The following GLYATL2 variants were observed in gnomAD, a reference collection of about 807,000 sequenced individuals.
GLYATL2 encodes glycine N-acyltransferase-like protein 2.
A neutral mutation model predicts 21.4 loss-of-function variants in GLYATL2; 25 were observed. The ratio of observed to expected loss-of-function variants is 1.17; its 90% CI spans 0.85 to 1.63. The LOEUF (loss-of-function observed/expected upper bound fraction) is 1.63, where lower values mean the gene tolerates loss of function less well. Among genes scored for constraint, GLYATL2 ranks in the 40% most tolerant of loss-of-function variants. The pLI is 0.00. For missense variants in GLYATL2, 361 were observed against 343.3 expected, an observed-to-expected ratio of 1.05 and a Z score of -0.41; for synonymous variants, 114 against 118.2, an observed-to-expected ratio of 0.96 and a Z score of 0.23.
chr11:58,871,529 C>T (rs1033652609), intron 1 of GLYATL2, among the ~76,000 whole-genome samples: 40 of 149,492 alleles, frequency 2.7e-4, no homozygotes, highest in African/African-American at 9.1e-4. Flanking sequence ...TGAGAACATG[C>T]AGTGTTTGGT....
chr11:58,894,381 A>T (rs1854598698), intron 1 of GLYATL2, among the ~76,000 whole-genome samples: 2 of 151,456 alleles, frequency 1.3e-5, no homozygotes, highest in Admixed American at 1.3e-4. Context: ...ATCTTAAAAA[A>T]GAATTACACT....
intron 3 of GLYATL2, among the ~76,000 whole-genome samples, 193 bp from the exon 4 acceptor site, chr11:58,837,590 G>A (rs1853462629): frequency 6.6e-6 from 1 of 152,186 alleles, no homozygotes; most frequent in South Asian, 2.1e-4. Context: ...TTCTTTTAGG[G>A]CACTAAAGTG....
At chr11:58,861,696 G>A (rs1335548862) in intron 1 of GLYATL2, among the ~76,000 whole-genome samples, 1 of 151,606 alleles carries the variant, frequency 6.6e-6, no homozygotes, top group Non-Finnish European at 1.5e-5. Flanking sequence ...ATGTTTTGAA[G>A]CATCTTACAA....
chr11:58,837,116 T>C lies in GLYATL2; in HGVS notation c.375A>G (p.Val125=). 6.2e-7 allele frequency: 1 copy of C among 1,613,994 alleles called. No individual in the cohort carries two copies. Among genetic ancestry groups the C allele is most frequent in the South Asian group, 1.1e-5 (1 of 91,066 alleles). The change falls in exon 5 of 6, where the codon GTA becomes GTG. Residue 125 remains valine, a synonymous_variant. Coordinates refer to ENST00000287275, the MANE Select transcript of GLYATL2 (RefSeq NM_145016.4). ...TAAAGAGGATGGTTTTCATGTAATCTACCTGCACTGATTTTGAAGTTGCAA... is the reference window on the plus strand; with the variant it reads ...TAAAGAGGATGGTTTTCATGTAATCCACCTGCACTGATTTTGAAGTTGCAA... ...RKVATSKSVQ[V]DYMKTILFIP...
upstream of GLYATL2, among the ~76,000 whole-genome samples, chr11:58,906,466 G>A (rs1235580251): frequency 6.6e-6 from 1 of 152,162 alleles, no homozygotes; most frequent in Non-Finnish European, 1.5e-5. Flanking sequence ...CCTGTTCAAA[G>A]TTCCTGGGGT....
At chr11:58,840,232 T>C (rs1256669271) in intron 1 of GLYATL2, among the ~76,000 whole-genome samples, 1 of 152,198 alleles carries the variant, frequency 6.6e-6, no homozygotes, top group Non-Finnish European at 1.5e-5. Context: ...ATCTAGGAAT[T>C]GGAATTATAT....
chr11:58,877,084 T>A (rs1854248149), intron 1 of GLYATL2, among the ~76,000 whole-genome samples: 1 of 152,230 alleles, frequency 6.6e-6, no homozygotes, highest in African/African-American at 2.4e-5. Flanking sequence ...AGGACCTCTG[T>A]GCCTTGTGCA....
chr11:58,854,744 T>G (rs921605273), intron 1 of GLYATL2, among the ~76,000 whole-genome samples: 18 of 152,238 alleles, frequency 1.2e-4, no homozygotes, highest in African/African-American at 4.3e-4. Context: ...CATTCAAAAT[T>G]GGAATCAACC....
chr11:58,840,086 C>T (rs1328001341), intron 1 of GLYATL2, among the ~76,000 whole-genome samples: 1 of 150,084 alleles, frequency 6.7e-6, no homozygotes, highest in African/African-American at 2.5e-5. Flanking sequence ...TTTCAGCTAT[C>T]AAGAAAGAAT....
At chr11:58,904,190 T>G (rs1854800001) in exon 1 of GLYATL2, 2 of 152,200 alleles carry the variant, frequency 1.3e-5, no homozygotes. Context: ...TTTGCAATCC[T>G]GGGATATACT....
chr11:58,907,474 TTTTTGTTTG>T (rs1195050596), upstream of GLYATL2: 36 of 292,960 alleles, frequency 1.2e-4, no homozygotes, highest in South Asian at 3.1e-4. Context: ...ATTTCGCTCT[TTTTTGTTTG>T]TTTTGTTTTG....
intron 1 of GLYATL2, among the ~76,000 whole-genome samples, chr11:58,894,921 GA>G (rs1342521770): frequency 6.6e-6 from 1 of 151,518 alleles, no homozygotes; most frequent in Non-Finnish European, 1.5e-5. Context: ...GGGGTAATGT[GA>G]AAACAGCTAT....
chr11:58,876,078 G>T (rs1049648198), intron 1 of GLYATL2, among the ~76,000 whole-genome samples: 60 of 151,938 alleles, frequency 3.9e-4, no homozygotes, highest in Non-Finnish European at 1.3e-4. Flanking sequence ...CCAGTTGATC[G>T]CATCGGTTAC....
chr11:58,867,713 G>A (rs1214582614), intron 1 of GLYATL2, among the ~76,000 whole-genome samples: 1 of 148,970 alleles, frequency 6.7e-6, no homozygotes, highest in Non-Finnish European at 1.5e-5. Flanking sequence ...AGTCACTTAT[G>A]ACTAATACTG....
rs373152726 is a variant in GLYATL2, at chr11:58,895,130, ATGCAAGCCAGCTTCCCT to A, written n.60+9009_60+9025del. Among the ~76,000 whole-genome samples the A allele has an allele frequency of 1.5e-4, 23 of 152,282 alleles. 1 individual carries two copies. The Middle Eastern group carries it at 0.01, about 68-fold the overall frequency. On this transcript the variant is annotated intron_variant and non_coding_transcript_variant, in intron 1 of 4. Coordinates refer to the GLYATL2 transcript ENST00000533636. ...CTTCCCTCCTCTGTCCCTTCCCTGA[ATGCAAGCCAGCTTCCCT>A]TACGTAGCACTTCATGGCCCTGTTA...
At chr11:58,907,502 TC>T, upstream of GLYATL2, 1 of 400,488 alleles carries the variant, frequency 2.5e-6, no homozygotes, top group South Asian at 1.9e-5. Flanking sequence ...TGTTTTGTTT[TC>T]AGGCTAGGGG....
chr11:58,882,268 C>T (rs370552439), intron 1 of GLYATL2, among the ~76,000 whole-genome samples: 15 of 152,162 alleles, frequency 9.9e-5, no homozygotes, highest in Admixed American at 9.8e-4. Context: ...TTAATGATCA[C>T]CATTCTAACT....
chr11:58,845,706 G>T (rs1171556716), upstream of GLYATL2, among the ~76,000 whole-genome samples: 1 of 152,150 alleles, frequency 6.6e-6, no homozygotes, highest in Non-Finnish European at 1.5e-5. Context: ...AAATAAGGAA[G>T]CTGTTGCTGA....
chr11:58,884,596 G>A (rs768257855), intron 1 of GLYATL2, among the ~76,000 whole-genome samples: 11 of 152,316 alleles, frequency 7.2e-5, no homozygotes, highest in Non-Finnish European at 1.2e-4. Context: ...TATGATGATG[G>A]TGGTGGAGTG....
Sources: allele counts gnomAD v4.1 joint callset (sites outside exome capture counted in the v4.1 genomes callset), GRCh38; gene constraint gnomAD v4.1.1; transcripts MANE v1.5; gene names NCBI Gene and HGNC (gene_info 2026-07-23, HGNC 2026-07-21).